The following FMN2 variants were observed in gnomAD, a reference collection of about 807,000 sequenced individuals.
The protein encoded by FMN2 is formin 2.
A neutral mutation model predicts 142.3 loss-of-function variants in FMN2; 51 were observed. The ratio of observed to expected loss-of-function variants is 0.36; its 90% CI spans 0.29 to 0.45. The LOEUF (loss-of-function observed/expected upper bound fraction) is 0.45. Among genes scored for constraint, FMN2 ranks in the 20% least tolerant of loss-of-function variants. The pLI is 1.00. For missense variants in FMN2, 1,936 were observed against 2,122.8 expected, an observed-to-expected ratio of 0.91 and a Z score of 1.73; for synonymous variants, 882 against 869.8, an observed-to-expected ratio of 1.01 and a Z score of -0.25.
At chr1:240,399,830 A>AG (rs1673911652) in intron 15 of FMN2, among the ~76,000 whole-genome samples, 2 of 152,064 alleles carry the variant, frequency 1.3e-5, no homozygotes, top group Non-Finnish European at 2.9e-5. Flanking sequence ...CATGAAGACT[A>AG]GGGGCCCCCC....
At chr1:240,262,445 C>T (rs1668662239) in intron 7 of FMN2, among the ~76,000 whole-genome samples, 1 of 152,052 alleles carries the variant, frequency 6.6e-6, no homozygotes, top group Non-Finnish European at 1.5e-5. Context: ...ATAATTTTGG[C>T]CTGTTATTCC....
At chr1:240,427,588 C>T (rs913040827) in intron 15 of FMN2, among the ~76,000 whole-genome samples, 1 of 152,200 alleles carries the variant, frequency 6.6e-6, no homozygotes, top group African/African-American at 2.4e-5. Context: ...ATATCTCTTA[C>T]ATTTTCACAA....
chr1:240,248,097 C>G (rs903382726), intron 6 of FMN2, among the ~76,000 whole-genome samples: 16 of 151,966 alleles, frequency 1.1e-4, no homozygotes, highest in Admixed American at 5.3e-4. Flanking sequence ...TCACCTCCCC[C>G]TCCACCACCC....
At chr1:240,320,314 C>T (rs1670929217) in intron 8 of FMN2, among the ~76,000 whole-genome samples, 1 of 152,058 alleles carries the variant, frequency 6.6e-6, no homozygotes, top group South Asian at 2.1e-4. Flanking sequence ...CCTGGAAATT[C>T]TTTTATGTGA....
intron 16 of FMN2, among the ~76,000 whole-genome samples, chr1:240,460,672 A>G (rs1013791818): frequency 6.6e-6 from 1 of 151,448 alleles, no homozygotes; most frequent in Non-Finnish European, 1.5e-5. Flanking sequence ...TATATAATGT[A>G]TATATAATAT....
intron 16 of FMN2, among the ~76,000 whole-genome samples, chr1:240,451,371 A>AAT (rs1676037258): frequency 1.3e-5 from 2 of 152,018 alleles, no homozygotes; most frequent in Admixed American, 6.6e-5. Flanking sequence ...AAAAAAAAAA[A>AAT]ATTGTCTTGA....
At chr1:240,145,018 C>A (rs774072762) in intron 2 of FMN2, 26 of 1,354,784 alleles carry the variant, frequency 1.9e-5, no homozygotes, top group Non-Finnish European at 2.5e-5. Context: ...CAGCAAAATG[C>A]TCATTCTCCC....
intron 6 of FMN2, among the ~76,000 whole-genome samples, chr1:240,234,395 A>T (rs1413196306): frequency 1.3e-5 from 2 of 151,896 alleles, no homozygotes; most frequent in Admixed American, 6.6e-5. Flanking sequence ...GGGTGTAGAG[A>T]TCTTCCAGAA....
chr1:240,299,437 G>A (rs1670114764), intron 8 of FMN2, among the ~76,000 whole-genome samples: 1 of 152,066 alleles, frequency 6.6e-6, no homozygotes, highest in East Asian at 1.9e-4. Flanking sequence ...CAGTATAAAA[G>A]GAAATCTGGC....
chr1:240,355,513 A>C (rs1005745451), intron 13 of FMN2, among the ~76,000 whole-genome samples: 1 of 152,178 alleles, frequency 6.6e-6, no homozygotes, highest in Non-Finnish European at 1.5e-5. Flanking sequence ...CTCTGCTATC[A>C]TGCCCATTTT....
At chr1:240,426,698 A>T (rs1435754134) in intron 15 of FMN2, among the ~76,000 whole-genome samples, 1 of 151,960 alleles carries the variant, frequency 6.6e-6, no homozygotes, top group Non-Finnish European at 1.5e-5. Context: ...TTTCATCCAT[A>T]TATATTTTAG....
At chr1:240,295,215 C>T (rs948771493) in intron 8 of FMN2, among the ~76,000 whole-genome samples, 1 of 141,388 alleles carries the variant, frequency 7.1e-6, no homozygotes, top group South Asian at 2.1e-4. Context: ...CACACACACA[C>T]ACACACACAC....
chr1:240,360,907 T>G, intron 14 of FMN2, among the ~76,000 whole-genome samples: 1 of 149,896 alleles, frequency 6.7e-6, no homozygotes. Flanking sequence ...CACTCATAGG[T>G]GGAAATTGAA....
chr1:240,313,957 C>A (rs1670680719), intron 8 of FMN2, among the ~76,000 whole-genome samples: 1 of 152,010 alleles, frequency 6.6e-6, no homozygotes. Context: ...GCCTGGGCAA[C>A]AGAGCAAGAC....
At chr1:240,406,036 T>TGGGGGAAGCGAAGGGAAGCAGCGG (rs1674149699) in intron 15 of FMN2, among the ~76,000 whole-genome samples, 5 of 132,982 alleles carry the variant, frequency 3.8e-5, no homozygotes, top group South Asian at 5.0e-4. Context: ...GGAAGCAGCG[T>TGGGGGAAGCGAAGGGAAGCAGCGG]CAGGAGTCGG....
Position 240,123,254 on chromosome 1 carries a change from G to A in FMN2, c.1691G>A (p.Arg564Gln), listed in dbSNP as rs539147063. 2.7e-5 allele frequency: 44 copies of A among 1,614,100 alleles called. No individual in the cohort carries two copies. The South Asian group carries it at 3.8e-4, about 14-fold the overall frequency. Residue 564 changes from arginine (R) to glutamine (Q), a missense_variant, in exon 2 of 18, where the codon CGG (arginine) becomes CAG (glutamine). This residue lies in a region of FMN2 where 751 missense variants were observed against 791.8 expected (regional missense o/e 0.95). Coordinates refer to ENST00000319653, the MANE Select transcript of FMN2 (RefSeq NM_020066.5). The stretch of plus-strand genomic sequence containing the variant: ...GAAGAAGCAGAGAAGTTTTGCTCCC[G>A]GATCATTGCCATGGGTCTTCTCCTT... ...PPEEAEKFCS[R>Q]IIAMGLLLPF...
chr1:240,390,557 A>G (rs1024229626), intron 14 of FMN2, among the ~76,000 whole-genome samples: 3 of 152,210 alleles, frequency 2.0e-5, no homozygotes, highest in Non-Finnish European at 4.4e-5. Flanking sequence ...TGAATATAAC[A>G]TTGGAATATA....
At chr1:240,205,667 T>A (rs1239081842) in intron 4 of FMN2, among the ~76,000 whole-genome samples, 1 of 151,816 alleles carries the variant, frequency 6.6e-6, no homozygotes, top group Non-Finnish European at 1.5e-5. Context: ...TTCACTGTGT[T>A]AGCCAGGATT....
chr1:240,202,734 G>A (rs1666175084), intron 4 of FMN2, among the ~76,000 whole-genome samples: 1 of 152,120 alleles, frequency 6.6e-6, no homozygotes, highest in African/African-American at 2.4e-5. Flanking sequence ...AAAGTGCTGG[G>A]ATTACAGGCA....
Sources: gnomAD v4.1 joint callset for allele counts (sites outside exome capture counted in the v4.1 genomes callset) on GRCh38, gnomAD v4.1.1 for gene constraint, gnomAD v4.1.1 regional missense constraint, MANE v1.5 for transcripts, NCBI Gene and HGNC (gene_info 2026-07-23, HGNC 2026-07-21) for gene names.